PTPN3: variants seen among roughly 807,000 people sequenced by gnomAD.
PTPN3 encodes the protein protein tyrosine phosphatase non-receptor type 3.
Under a neutral mutation model 132.7 loss-of-function variants are expected in PTPN3, and 96 were observed. The ratio of observed to expected loss-of-function variants is 0.72; its 90% CI spans 0.61 to 0.86. PTPN3 has a LOEUF of 0.86. PTPN3 is among the 40% of genes least tolerant of loss of function. The pLI, the probability that PTPN3 is intolerant of heterozygous loss-of-function variation, is 0.00. For missense variants in PTPN3, 1,125 were observed against 1,159.6 expected, an observed-to-expected ratio of 0.97 and a Z score of 0.43; for synonymous variants, 398 against 429.0, an observed-to-expected ratio of 0.93 and a Z score of 0.89.
chr9:109,456,618 C>T (rs994262133), intron 4 of PTPN3, among the ~76,000 whole-genome samples: 2 of 152,142 alleles, frequency 1.3e-5, no homozygotes, highest in African/African-American at 4.8e-5. Context: ...GAACATCAGG[C>T]CGAGAGCAGA....
intron 1 of PTPN3, among the ~76,000 whole-genome samples, chr9:109,488,570 A>G (rs1419917447): frequency 1.3e-5 from 2 of 152,246 alleles, no homozygotes; most frequent in African/African-American, 4.8e-5. Flanking sequence ...ACTGCACTGG[A>G]CAGTGTTCTT....
intron 14 of PTPN3, among the ~76,000 whole-genome samples, chr9:109,416,654 C>T (rs762220746): frequency 4.0e-5 from 6 of 151,868 alleles, no homozygotes; most frequent in Non-Finnish European, 8.8e-5. Flanking sequence ...GCCATGTTGC[C>T]CAGGCTGGTT....
At chr9:109,408,796 A>AAAATATATATATATAT (rs1377996219) in intron 16 of PTPN3, among the ~76,000 whole-genome samples, 1 of 108,374 alleles carries the variant, frequency 9.2e-6, no homozygotes, top group African/African-American at 3.7e-5. Context: ...AAAAAAAAAA[A>AAAATATATATATATAT]ATATATATAT....
intron 18 of PTPN3, among the ~76,000 whole-genome samples, chr9:109,405,577 A>C (rs1841494973): frequency 6.6e-6 from 1 of 152,162 alleles, no homozygotes; most frequent in Non-Finnish European, 1.5e-5. Context: ...GGTACTTTCC[A>C]GTCTAAGTGC....
At chr9:109,419,855 C>T (rs549321361) in intron 14 of PTPN3, among the ~76,000 whole-genome samples, 1 of 152,024 alleles carries the variant, frequency 6.6e-6, no homozygotes, top group Admixed American at 6.5e-5. Context: ...AACTCTGTCA[C>T]GTTAAAAAAG....
upstream of PTPN3, among the ~76,000 whole-genome samples, chr9:109,500,666 C>G (rs1255920621): frequency 6.7e-6 from 1 of 149,846 alleles, no homozygotes; most frequent in Non-Finnish European, 1.5e-5. Context: ...TGAGGTGGCT[C>G]ATGCCTGTAA....
chr9:109,453,981 C>T (rs1208654213), intron 5 of PTPN3, among the ~76,000 whole-genome samples: 4 of 151,880 alleles, frequency 2.6e-5, no homozygotes, highest in African/African-American at 9.7e-5. Flanking sequence ...CACCTCTGCG[C>T]TCCAGCCAGG....
chr9:109,421,694 A>G (rs1026148132), intron 13 of PTPN3, among the ~76,000 whole-genome samples: 1 of 152,268 alleles, frequency 6.6e-6, no homozygotes, highest in Non-Finnish European at 1.5e-5. Flanking sequence ...TTGGAAACCA[A>G]GAAGCAAATC....
intron 7 of PTPN3, among the ~76,000 whole-genome samples, chr9:109,440,808 T>C (rs527317554): frequency 1.2e-4 from 18 of 152,348 alleles, no homozygotes; most frequent in Non-Finnish European, 1.9e-4. Context: ...ACAAATGTTC[T>C]GAGCTTCGAA....
chr9:109,406,638 G>A lies in PTPN3; in HGVS notation c.1636-20C>T, dbSNP rs753870009. The A allele has an allele frequency of 6.3e-5, 101 of 1,612,988 alleles. No individual in the cohort carries two copies. Among genetic ancestry groups the A allele is most frequent in the Non-Finnish European group, 8.0e-5 (94 of 1,179,202 alleles). On this transcript the variant is annotated intron_variant, in intron 17 of 25. Coordinates refer to ENST00000374541, the MANE Select transcript of PTPN3 (RefSeq NM_002829.4). Reference sequence around the variant, plus strand: ...GTCCGCCTGGGTGGTGGGGAAAAGCGAGTTTCTCCTGTTACCATAACACAG... The same window carrying A: ...GTCCGCCTGGGTGGTGGGGAAAAGCAAGTTTCTCCTGTTACCATAACACAG...
At chr9:109,389,498 A>G (rs1839885154) in intron 21 of PTPN3, 119 bp from the exon 22 acceptor site, 1 of 1,039,852 alleles carries the variant, frequency 9.6e-7, no homozygotes, top group Non-Finnish European at 1.3e-6. Context: ...TCTCTTTATC[A>G]ATTCACAGCC....
chr9:109,451,247 A>T, intron 5 of PTPN3: 1 of 984,786 alleles, frequency 1.0e-6, no homozygotes, highest in South Asian at 4.7e-5. Flanking sequence ...TATATCTGGC[A>T]GTCCTGGTGG....
intron 2 of PTPN3, 52 bp downstream of exon 2, chr9:109,463,245 T>C: frequency 6.8e-7 from 1 of 1,464,444 alleles, no homozygotes; most frequent in Non-Finnish European, 9.1e-7. Flanking sequence ...TGAAAACTAT[T>C]TGTTAGGAGC....
At chr9:109,412,015 T>G (rs1349221015) in intron 14 of PTPN3, among the ~76,000 whole-genome samples, 2 of 152,200 alleles carry the variant, frequency 1.3e-5, no homozygotes, top group African/African-American at 4.8e-5. Context: ...AAAAGGAAGC[T>G]TTACAAAATT....
upstream of PTPN3, among the ~76,000 whole-genome samples, chr9:109,501,824 AC>A (rs1379630687): frequency 1.3e-5 from 2 of 152,180 alleles, no homozygotes; most frequent in African/African-American, 4.8e-5. Flanking sequence ...TGATGGAACC[AC>A]CTGGTCCATG....
At chr9:109,431,885 A>G (rs915792260) in intron 10 of PTPN3, among the ~76,000 whole-genome samples, 3 of 152,234 alleles carry the variant, frequency 2.0e-5, no homozygotes. Flanking sequence ...AACTGGGGAT[A>G]ATAACCTATA....
rs117106439 is a variant in PTPN3, at chr9:109,477,642, C to T, written c.-17-14191G>A. 4.5e-4 allele frequency among the ~76,000 whole-genome samples: 68 copies of T among 152,354 alleles called. No individual in the cohort carries two copies. The East Asian group carries it at 0.011, about 24-fold the overall frequency. On this transcript the variant is annotated intron_variant, in intron 1 of 25. Transcript: ENST00000374541. ...AGGCCCTTCCAGCCTCACAGGCAGC[C>T]GTCCCTGGGTTAATTATTAGCAGCA... is the stretch of plus-strand genomic sequence containing the variant.
rs186811823 is a variant in PTPN3 at position 109,450,420 on chromosome 9, C to T, written c.369-1565G>A. The T allele has an allele frequency of 1.3e-5, 13 of 984,376 alleles. No homozygotes were observed. The Admixed American group carries it at 3.7e-4, about 28-fold the overall frequency. 61.0% of individuals were successfully genotyped at this position (984,376 alleles called of 1,614,324 possible). A position where few individuals can be genotyped will look rare whatever the true frequency, so the allele number is the denominator to read the frequency against. On this transcript the variant is annotated intron_variant, in intron 5 of 25. Coordinates refer to ENST00000374541, the MANE Select transcript of PTPN3 (RefSeq NM_002829.4). The stretch of plus-strand genomic sequence containing the variant: ...GTTATAGATAATCCAATGGTGAACC[C>T]GGGCTTTCATTGACAAGCTCAGCTA...
chr9:109,449,177 A>C (rs758493196), intron 5 of PTPN3: 6 of 1,127,990 alleles, frequency 5.3e-6, no homozygotes, highest in Non-Finnish European at 6.5e-6. Flanking sequence ...TTCCGCTGTC[A>C]GTGAGCGCCC....
Sources: gnomAD v4.1 joint callset for allele counts (sites outside exome capture counted in the v4.1 genomes callset) on GRCh38, gnomAD v4.1.1 for gene constraint, MANE v1.5 for transcripts, NCBI Gene and HGNC (gene_info 2026-07-23, HGNC 2026-07-21) for gene names.